Variants in WDR91 observed in about 807,000 individuals in gnomAD.
WDR91 encodes WD repeat-containing protein 91.
Under a neutral mutation model 88.4 loss-of-function variants are expected in WDR91, and 52 were observed. The ratio of observed to expected loss-of-function variants is 0.59; its 90% confidence interval spans 0.47 to 0.74. The LOEUF is 0.74. Among genes scored for constraint, WDR91 ranks in the 30% least tolerant of loss-of-function variants. The pLI is 0.00. For missense variants in WDR91, 824 were observed against 954.5 expected (o/e 0.86, Z 1.80); for synonymous variants, 362 against 389.5 (o/e 0.93, Z 0.83).
Position 135,211,503 on chromosome 7 carries a change from C to A in WDR91, c.-1G>T. On this transcript the variant is annotated 5_prime_UTR_variant, in exon 1 of 15. Transcript: ENST00000354475. The stretch of plus-strand genomic sequence containing the variant: ...CAGTGCGCTCCACGGCCTCCGCCAT[C>A]GCAGCGCTAGCGTCTTTAGGGGTGG... 6.2e-7 allele frequency: 1 copy of A among 1,610,532 alleles called. No individual in the cohort carries two copies. Among genetic ancestry groups the A allele is most frequent in the Non-Finnish European group, 8.5e-7 (1 of 1,178,920 alleles).
At chr7:135,203,779 C>A (rs1831659902) in intron 6 of WDR91, among the ~76,000 whole-genome samples, 1 of 152,250 alleles carries the variant, frequency 6.6e-6, no homozygotes, top group East Asian at 1.9e-4. Flanking sequence ...TCAAAGCCTA[C>A]TTCCTGTCAT....
intron 14 of WDR91, 36 bp from the exon 15 acceptor site, chr7:135,186,351 A>G (rs767253007): frequency 6.2e-7 from 1 of 1,601,788 alleles, no homozygotes; most frequent in Non-Finnish European, 8.5e-7. Context: ...AGGTGTCAGC[A>G]AACACCAGTT....
Position 135,209,010 on chromosome 7 carries a change from CAAG to C in WDR91, c.304-15_304-13del, listed in dbSNP as rs1831914700. 3.7e-6 allele frequency: 6 copies of C among 1,610,966 alleles called. No individual in the cohort carries two copies. In the South Asian group the frequency reaches 5.5e-5, roughly 15 times the overall value. ...TCATTTCTGTTTGTCTGCCAAGACA[CAAG>C]GAGGTAGCAAGGAGGGAGGAGAGAC... is the stretch of plus-strand genomic sequence containing the variant. On this transcript the variant is annotated splice_polypyrimidine_tract_variant and intron_variant, in intron 2 of 14. Coordinates refer to ENST00000354475, the MANE Select transcript of WDR91 (RefSeq NM_014149.4).
chr7:135,209,728 G>T lies in WDR91; in HGVS notation c.151C>A (p.Gln51Lys), dbSNP rs1687397788. The part of the protein sequence containing the change: ...RVDKIVDQLQ[Q>K]LMQVYDLAAL... ...GCCAAGTCATACACCTGCATTAACT[G>T]CTGCAGCTGGTCCACAATCTTATCC... Residue 51 changes from glutamine to lysine, a missense_variant, in exon 2 of 15, where the codon CAG becomes AAG. Coordinates refer to ENST00000354475, the MANE Select transcript of WDR91 (RefSeq NM_014149.4). The T allele has an allele frequency of 6.2e-7, 1 of 1,606,344 alleles. No individual in the cohort carries two copies. Among genetic ancestry groups the T allele is most frequent in the African/African-American group, 1.3e-5 (1 of 74,546 alleles).
chr7:135,196,390 G>A lies in WDR91; in HGVS notation c.1051-53C>T. ...AGCCAGGAAAGGGTCCCCCACACCA[G>A]GGTGTACACCGCAGGGGGTCTAGGC... On this transcript the variant is annotated intron_variant, in intron 7 of 14. Coordinates refer to ENST00000354475, the MANE Select transcript of WDR91 (RefSeq NM_014149.4). The surrounding 1 kb of genome is among the most constrained non-coding windows in gnomAD (Gnocchi z 4.2). The A allele has an allele frequency of 1.4e-6, 2 of 1,460,326 alleles. No homozygotes were observed. Among genetic ancestry groups the A allele is most frequent in the African/African-American group, 1.4e-5 (1 of 69,320 alleles). The allele number at this position is 1,460,326 out of a possible 1,614,324, so 90.5% of individuals were successfully genotyped here.
rs1831376427 is a variant in WDR91 at position 135,196,413 on chromosome 7, G to A, written c.1051-76C>T. 2 of 1,359,082 alleles carry A rather than the reference G, an allele frequency of 1.5e-6. No homozygotes were observed. The highest frequency in any genetic ancestry group is 3.2e-5 in the South Asian group (2 of 63,070). 84.2% of individuals were successfully genotyped at this position (1,359,082 alleles called of 1,614,324 possible). On this transcript the variant is annotated intron_variant, in intron 7 of 14. Transcript: ENST00000354475. This position sits in a 1 kb window ranked among gnomAD's most constrained non-coding sequence, Gnocchi z 4.2. ...CAGGGTGTACACCGCAGGGGGTCTA[G>A]GCCTAGGCTGCAGCATTTTGCGGGG... is the stretch of plus-strand genomic sequence containing the variant.
intron 4 of WDR91, 139 bp from the exon 5 acceptor site, chr7:135,206,197 G>C (rs1454978607): frequency 9.3e-7 from 1 of 1,075,908 alleles, no homozygotes; most frequent in East Asian, 2.4e-5. Flanking sequence ...ATCTCACTCT[G>C]CTCACTGCAG....
chr7:135,186,623 T>C (rs1298134926), intron 14 of WDR91, among the ~76,000 whole-genome samples: 1 of 152,212 alleles, frequency 6.6e-6, no homozygotes, highest in Non-Finnish European at 1.5e-5. Flanking sequence ...GCATCACTTC[T>C]CACTACCTGG....
intron 6 of WDR91, among the ~76,000 whole-genome samples, chr7:135,203,497 T>C (rs1240123316): frequency 6.6e-6 from 1 of 152,210 alleles, no homozygotes; most frequent in African/African-American, 2.4e-5. Context: ...CTTGGCTGTT[T>C]TGGATATAAG....
intron 1 of WDR91, 37 bp downstream of exon 1, chr7:135,211,343 G>T: frequency 6.3e-7 from 1 of 1,587,936 alleles, no homozygotes; most frequent in East Asian, 2.3e-5. Context: ...GCTCCCTCGG[G>T]CCGCCTCTGC....
chr7:135,196,952 A>C lies in WDR91; in HGVS notation c.1051-615T>G, dbSNP rs1831397328. The C allele has an allele frequency of 6.6e-6, 1 of 152,400 alleles. No homozygotes were observed. 9.4% of individuals were successfully genotyped at this position (152,400 alleles called of 1,614,324 possible). On this transcript the variant is annotated intron_variant, in intron 7 of 14. Transcript: ENST00000354475. The surrounding 1 kb of genome is among the most constrained non-coding windows in gnomAD (Gnocchi z 4.2). The stretch of plus-strand genomic sequence containing the variant: ...GAAACAGACACAACTGGCCAGGAAG[A>C]AAGACAGAGACCCAAGGGCCACTGG...
rs1438174912 is a variant in WDR91 at position 135,184,299 on chromosome 7, C to A, written c.*1852G>T. On this transcript the variant is annotated 3_prime_UTR_variant, in exon 15 of 15. Coordinates refer to ENST00000354475, the MANE Select transcript of WDR91 (RefSeq NM_014149.4). The stretch of plus-strand genomic sequence containing the variant: ...CCAGAACAAAGCCAAGACTTTGGTA[C>A]CAATTTCTTCGTGCTTTTCCTCAAG... The A allele has an allele frequency of 6.6e-6, 1 of 152,170 alleles. No individual in the cohort carries two copies. Among genetic ancestry groups the A allele is most frequent in the Non-Finnish European group, 1.5e-5 (1 of 68,026 alleles). The allele number at this position is 152,170 out of a possible 1,614,324, so 9.4% of individuals were successfully genotyped here. A position where few individuals can be genotyped will look rare whatever the true frequency, so the allele number is the denominator to read the frequency against.
chr7:135,203,377 A>C (rs292590), intron 6 of WDR91, among the ~76,000 whole-genome samples: 103,472 of 152,098 alleles, frequency 0.68, 35,895 homozygotes, highest in Admixed American at 0.79. Context: ...TTTTATCTGT[A>C]ACTAATAATA....
chr7:135,210,501 CAAGTCATCA>C (rs1207649259), intron 1 of WDR91, among the ~76,000 whole-genome samples: 1 of 152,238 alleles, frequency 6.6e-6, no homozygotes, highest in Non-Finnish European at 1.5e-5. Context: ...CTGACTCCTT[CAAGTCATCA>C]AAGTTCCACG....
intron 13 of WDR91, among the ~76,000 whole-genome samples, chr7:135,188,113 C>T (rs1831021005): frequency 3.9e-5 from 6 of 152,140 alleles, no homozygotes; most frequent in Admixed American, 3.3e-4. Context: ...GCAAACTACA[C>T]ATCCATGAGT....
intron 11 of WDR91, among the ~76,000 whole-genome samples, chr7:135,190,295 G>C (rs527978395): frequency 6.6e-6 from 1 of 152,144 alleles, no homozygotes; most frequent in Non-Finnish European, 1.5e-5. Flanking sequence ...GAATGAACTA[G>C]AAACAAACCT....
chr7:135,197,877 G>T, intron 7 of WDR91, 116 bp downstream of exon 7: 1 of 1,334,556 alleles, frequency 7.5e-7, no homozygotes, highest in African/African-American at 1.5e-5. Context: ...AACCAATTAA[G>T]CAAAAGCACA....
At chr7:135,186,404 C>A in intron 14 of WDR91, 89 bp from the exon 15 acceptor site, 1 of 1,407,298 alleles carries the variant, frequency 7.1e-7, no homozygotes, top group Non-Finnish European at 9.6e-7. Flanking sequence ...TGAGGATGTG[C>A]CTGAGGCCAG....
At chr7:135,211,030 C>A (rs948017352) in intron 1 of WDR91, 2 of 656,710 alleles carry the variant, frequency 3.0e-6, no homozygotes, top group Non-Finnish European at 2.8e-6. Flanking sequence ...GAAGCCAACA[C>A]GAATATCTGT....
Sources: gnomAD v4.1 joint callset for allele counts (sites outside exome capture counted in the v4.1 genomes callset) on GRCh38, gnomAD v4.1.1 for gene constraint, Gnocchi (gnomAD v3.1) non-coding constraint, MANE v1.5 for transcripts, NCBI Gene and HGNC (gene_info 2026-07-23, HGNC 2026-07-21) for gene names.